The following HERC2 variants were observed in gnomAD, a reference collection of about 807,000 sequenced individuals.
The protein encoded by HERC2 is E3 ubiquitin-protein ligase HERC2.
A neutral mutation model predicts 537.7 loss-of-function variants in HERC2; 102 were observed. The observed-to-expected ratio is 0.19, with a 90% confidence interval of 0.16 to 0.22. The LOEUF is 0.22. Among genes scored for constraint, HERC2 ranks in the 10% least tolerant of loss-of-function variants. The pLI is 1.00. For missense variants in HERC2, 4,236 were observed against 6,198.2 expected, an observed-to-expected ratio of 0.68 and a Z score of 10.63; for synonymous variants, 2,224 against 2,466.2, an observed-to-expected ratio of 0.90 and a Z score of 2.91.
chr15:28,318,210 G>A (rs1381354729), intron 2 of HERC2, among the ~76,000 whole-genome samples: 1 of 152,128 alleles, frequency 6.6e-6, no homozygotes, highest in Non-Finnish European at 1.5e-5. Flanking sequence ...CAGATTACAA[G>A]TACTTTCACT....
Position 28,250,496 on chromosome 15 carries a change from C to T in HERC2, c.3051-1760G>A, listed in dbSNP as rs192580108. Among the ~76,000 whole-genome samples, 522 of 152,258 alleles carry T rather than the reference C, an allele frequency of 3.4e-3. 4 individuals are homozygous for T. The highest frequency in any genetic ancestry group is 0.018 in the South Asian group (88 of 4,818). The stretch of plus-strand genomic sequence containing the variant: ...ATAAAATTTAGAGCCATAATCAAAA[C>T]GTGTAATTCTGATGGGGTTCACTAC... On this transcript the variant is annotated intron_variant, in intron 20 of 92. Coordinates refer to ENST00000261609, the MANE Select transcript of HERC2 (RefSeq NM_004667.6).
At chr15:28,120,855 C>A (rs1888803826) in intron 86 of HERC2, among the ~76,000 whole-genome samples, 1 of 152,226 alleles carries the variant, frequency 6.6e-6, no homozygotes. Flanking sequence ...CCAGCACCAT[C>A]AGAGAAATCT....
chr15:28,135,451 T>A (rs1890543002), intron 79 of HERC2, 27 bp downstream of exon 79: 1 of 1,551,436 alleles, frequency 6.4e-7, no homozygotes, highest in Non-Finnish European at 8.9e-7. Flanking sequence ...ACAAATAGAA[T>A]GTTGAAATAA....
At position 28,130,249 on chromosome 15, in the gene HERC2, C is replaced by T; in HGVS notation, c.12716G>A (p.Arg4239Lys). The T allele has an allele frequency of 6.2e-7, 1 of 1,614,202 alleles. No individual in the cohort carries two copies. Among genetic ancestry groups the T allele is most frequent in the Non-Finnish European group, 8.5e-7 (1 of 1,180,044 alleles). ...LGHGSDDHVRRPRQVQGLQGK... is the reference protein window; with the variant it reads ...LGHGSDDHVRKPRQVQGLQGK... ...CTGCAACCCTTGGACCTGCCGAGGC[C>T]TTCGAACATGGTCATCTGATCCATG... The change falls in exon 83 of 93, where the codon AGG becomes AAG. Residue 4239 changes from arginine to lysine, a missense_variant. Arg to Lys is a conservative substitution (Grantham distance 26, BLOSUM62 2). Around this residue, in one of 27 missense-constraint regions of HERC2, gnomAD observed 189 missense variants for 255.7 expected, o/e 0.74. Transcript: ENST00000261609.
chr15:28,272,858 C>T, intron 8 of HERC2, 36 bp downstream of exon 8: 2 of 1,426,728 alleles, frequency 1.4e-6, no homozygotes, highest in Non-Finnish European at 2.0e-6. Context: ...TACACAGGCG[C>T]TTCCCCAAAG....
intron 3 of HERC2, among the ~76,000 whole-genome samples, chr15:28,298,888 G>A (rs1287150858): frequency 6.6e-6 from 1 of 151,988 alleles, no homozygotes; most frequent in Non-Finnish European, 1.5e-5. Flanking sequence ...TTCTAAAGTG[G>A]TAGCTTTATC....
At chr15:28,273,292 C>T (rs1399086282) in intron 7 of HERC2, 4 of 460,656 alleles carry the variant, frequency 8.7e-6, no homozygotes, top group Non-Finnish European at 1.6e-5. Flanking sequence ...TTATCAAAAA[C>T]ATAAGTAGAA....
chr15:28,318,554 G>A (rs1264972649), intron 2 of HERC2, among the ~76,000 whole-genome samples: 1 of 151,922 alleles, frequency 6.6e-6, no homozygotes, highest in East Asian at 1.9e-4. Flanking sequence ...CATGAACCCA[G>A]GAGGCTTGCA....
At chr15:28,187,835 G>A (rs1397045979) in intron 55 of HERC2, among the ~76,000 whole-genome samples, 1 of 152,142 alleles carries the variant, frequency 6.6e-6, no homozygotes, top group Admixed American at 6.5e-5. Context: ...AGTGGAGTTG[G>A]TCTACTTGTC....
At chr15:28,299,288 A>G (rs2076555393) in intron 3 of HERC2, 114 bp downstream of exon 3, 3 of 468,482 alleles carry the variant, frequency 6.4e-6, no homozygotes. Context: ...AAAAAGCAAA[A>G]CTTCAAAGAG....
chr15:28,303,216 T>C (rs145653832), intron 2 of HERC2, among the ~76,000 whole-genome samples: 74 of 152,360 alleles, frequency 4.9e-4, no homozygotes, highest in African/African-American at 1.6e-3. Context: ...TTCATTTTTC[T>C]GCATATGGGT....
intron 37 of HERC2, 71 bp downstream of exon 37, chr15:28,220,381 A>G: frequency 7.4e-7 from 1 of 1,354,850 alleles, no homozygotes; most frequent in Non-Finnish European, 1.0e-6. Context: ...GGCCCAGATG[A>G]CAGTGGTGGC....
chr15:28,168,664 G>A (rs555952333), intron 66 of HERC2, 74 bp from the exon 67 acceptor site: 60 of 1,411,300 alleles, frequency 4.3e-5, no homozygotes, highest in Middle Eastern at 3.7e-4. Flanking sequence ...GAGAGGCAGG[G>A]CTAGCACGCA....
chr15:28,309,254 T>C (rs183842269), intron 2 of HERC2, among the ~76,000 whole-genome samples: 23 of 152,364 alleles, frequency 1.5e-4, no homozygotes, highest in African/African-American at 5.5e-4. Flanking sequence ...ATGCTGAAAG[T>C]GGAGTGTTGA....
intron 78 of HERC2, among the ~76,000 whole-genome samples, chr15:28,139,414 G>A (rs1890966913): frequency 6.6e-6 from 1 of 152,208 alleles, no homozygotes; most frequent in Admixed American, 6.5e-5. Flanking sequence ...GTGAGGGGAG[G>A]CTCTGCCAAC....
At chr15:28,288,299 G>A (rs532747255) in intron 4 of HERC2, among the ~76,000 whole-genome samples, 10 of 151,964 alleles carry the variant, frequency 6.6e-5, no homozygotes, top group Admixed American at 1.3e-4. Context: ...GCCGAGGTGG[G>A]TGGATCACCT....
chr15:28,310,131 C>T (rs1345480081), intron 2 of HERC2, among the ~76,000 whole-genome samples: 16 of 152,116 alleles, frequency 1.1e-4, no homozygotes, highest in African/African-American at 3.6e-4. Flanking sequence ...ATAGCAAGAC[C>T]GTCTCTACAA....
Position 28,196,191 on chromosome 15 carries a change from G to C in HERC2, c.8260+24C>G, listed in dbSNP as rs751751000. The C allele has an allele frequency of 4.2e-6, 5 of 1,198,644 alleles. No homozygotes were observed. The South Asian group carries it at 4.4e-5, about 11-fold the overall frequency. The allele number at this position is 1,198,644 out of a possible 1,614,324, so 74.3% of individuals were successfully genotyped here. Reference sequence around the variant, plus strand: ...TATTTCATTAATATTTGGTGGAAGAGAGAATATAAACATTCTGCCATACCT... The same window carrying C: ...TATTTCATTAATATTTGGTGGAAGACAGAATATAAACATTCTGCCATACCT... On this transcript the variant is annotated intron_variant, in intron 52 of 92. Coordinates refer to ENST00000261609, the MANE Select transcript of HERC2 (RefSeq NM_004667.6).
chr15:28,318,903 A>G (rs201580113), intron 2 of HERC2, among the ~76,000 whole-genome samples: 13,520 of 149,464 alleles, frequency 0.09, 382 homozygotes, highest in East Asian at 0.24. Flanking sequence ...GTTAAATCCT[A>G]TGGCTAAGAA....
Sources: allele counts gnomAD v4.1 joint callset (sites outside exome capture counted in the v4.1 genomes callset), GRCh38; gene constraint gnomAD v4.1.1; regional missense constraint gnomAD v4.1.1; transcripts MANE v1.5; gene names NCBI Gene and HGNC (gene_info 2026-07-23, HGNC 2026-07-21).